The following AGBL1 variants were observed in gnomAD, a reference collection of about 807,000 sequenced individuals.
AGBL1 encodes the protein cytosolic carboxypeptidase 4.
AGBL1 carries 130 observed loss-of-function variants against 118.9 expected under a neutral mutation model. The ratio of observed to expected loss-of-function variants is 1.09; its 90% CI spans 0.95 to 1.26. The LOEUF (loss-of-function observed/expected upper bound fraction) is 1.26. AGBL1 is among the 50% of genes most tolerant of loss of function. The pLI is 0.00. For missense variants in AGBL1, 1,584 were observed against 1,298.1 expected (o/e 1.22, Z -3.38); for synonymous variants, 555 against 478.9 (o/e 1.16, Z -2.08).
intron 17 of AGBL1, 28 bp downstream of exon 17, chr15:86,295,436 A>C (rs375852292): frequency 7.2e-5 from 111 of 1,531,514 alleles, no homozygotes; most frequent in Non-Finnish European, 8.9e-5. Context: ...CTCTTCGTAG[A>C]AGATTTGACT....
intron 19 of AGBL1, among the ~76,000 whole-genome samples, chr15:86,542,153 G>C (rs1419036484): frequency 6.6e-6 from 1 of 152,154 alleles, no homozygotes; most frequent in Non-Finnish European, 1.5e-5. Flanking sequence ...CAAGATTCCA[G>C]AGCTTTGCTG....
chr15:86,295,204 T>C (rs928141035), intron 16 of AGBL1, 51 bp from the exon 17 acceptor site: 1 of 1,583,834 alleles, frequency 6.3e-7, no homozygotes, highest in Admixed American at 1.8e-5. Flanking sequence ...TCTATTATTG[T>C]TGTTATAAAA....
intron 5 of AGBL1, among the ~76,000 whole-genome samples, chr15:86,194,974 A>G (rs1462236390): frequency 6.6e-6 from 1 of 152,202 alleles, no homozygotes; most frequent in Non-Finnish European, 1.5e-5. Flanking sequence ...CTATTTTATG[A>G]TGGGTATAAA....
At chr15:86,328,024 C>T (rs1379006573) in intron 17 of AGBL1, among the ~76,000 whole-genome samples, 2 of 152,154 alleles carry the variant, frequency 1.3e-5, no homozygotes, top group South Asian at 2.1e-4. Context: ...CTGTTTTCCT[C>T]TTTCTTAAAA....
intron 22 of AGBL1, among the ~76,000 whole-genome samples, chr15:86,792,961 G>A (rs1229257034): frequency 6.6e-6 from 1 of 151,864 alleles, no homozygotes; most frequent in Non-Finnish European, 1.5e-5. Context: ...AACTACACAG[G>A]TATTTGCACT....
At chr15:86,320,680 G>T (rs1353577) in intron 17 of AGBL1, among the ~76,000 whole-genome samples, 1 of 151,690 alleles carries the variant, frequency 6.6e-6, no homozygotes, top group Non-Finnish European at 1.5e-5. Context: ...TGCTCTTAAC[G>T]TCTTACTATT....
At chr15:86,091,405 G>C (rs1448438134) in intron 1 of AGBL1, among the ~76,000 whole-genome samples, 1 of 152,120 alleles carries the variant, frequency 6.6e-6, no homozygotes, top group Admixed American at 6.5e-5. Flanking sequence ...ACCAACTGAG[G>C]ACACACTAGC....
chr15:86,501,497 A>C (rs1033465449), intron 18 of AGBL1, among the ~76,000 whole-genome samples: 2 of 151,234 alleles, frequency 1.3e-5, no homozygotes, highest in African/African-American at 4.8e-5. Flanking sequence ...TTTGCTTTTG[A>C]TGTTATATCT....
At chr15:86,143,453 A>G (rs548745641) in intron 2 of AGBL1, among the ~76,000 whole-genome samples, 9 of 152,332 alleles carry the variant, frequency 5.9e-5, no homozygotes, top group African/African-American at 1.9e-4. Flanking sequence ...GATAAGCTCT[A>G]TTTATTACAG....
intron 16 of AGBL1, among the ~76,000 whole-genome samples, chr15:86,294,333 A>C (rs2079596926): frequency 7.7e-6 from 1 of 130,016 alleles, no homozygotes; most frequent in South Asian, 2.6e-4. Flanking sequence ...TGGGAGGTGG[A>C]GGTTGCAATG....
Position 86,914,671 on chromosome 15 carries a change from C to T in AGBL1, c.*7377C>T, listed in dbSNP as rs1044026809. 4 of 152,102 alleles carry T rather than the reference C, an allele frequency of 2.6e-5. No individual in the cohort carries two copies. Among genetic ancestry groups the T allele is most frequent in the African/African-American group, 9.7e-5 (4 of 41,428 alleles). 9.4% of individuals were successfully genotyped at this position (152,102 alleles called of 1,614,324 possible). Reference sequence around the variant, plus strand: ...GTTATGCTCACTTTATAAATGAGGGCATTAAGAATTTAAGGGCTAGCCTAA... The same window carrying T: ...GTTATGCTCACTTTATAAATGAGGGTATTAAGAATTTAAGGGCTAGCCTAA... On this transcript the variant is annotated 3_prime_UTR_variant, in exon 23 of 23. Coordinates refer to ENST00000614907, the MANE Select transcript of AGBL1 (RefSeq NM_001386094.1).
chr15:86,986,017 G>A (rs973888375), intron 23 of AGBL1, among the ~76,000 whole-genome samples: 2 of 151,540 alleles, frequency 1.3e-5, no homozygotes, highest in South Asian at 2.1e-4. Context: ...TCTGTCCCCC[G>A]GTTTCAAGCC....
At chr15:86,829,713 G>C (rs1302767554) in intron 22 of AGBL1, among the ~76,000 whole-genome samples, 1 of 152,162 alleles carries the variant, frequency 6.6e-6, no homozygotes, top group African/African-American at 2.4e-5. Flanking sequence ...CAGCAGATTT[G>C]AGGGAGAGAT....
Position 86,565,144 on chromosome 15 carries a change from C to G in AGBL1, c.2994+10607C>G, listed in dbSNP as rs1432354580. Among the ~76,000 whole-genome samples, 4 of 152,380 alleles carry G rather than the reference C, an allele frequency of 2.6e-5. No individual in the cohort carries two copies. The South Asian group carries it at 8.3e-4, about 32-fold the overall frequency. On this transcript the variant is annotated intron_variant, in intron 21 of 22. Coordinates refer to ENST00000614907, the MANE Select transcript of AGBL1 (RefSeq NM_001386094.1). ...CTTCTCTCAAATCGTCAAAGTCATT[C>G]TCTGTCCAGCTTTGTTCCATTGCTG...
intron 5 of AGBL1, among the ~76,000 whole-genome samples, chr15:86,182,914 C>T (rs1035342988): frequency 6.6e-6 from 1 of 152,168 alleles, no homozygotes; most frequent in Non-Finnish European, 1.5e-5. Context: ...GGTCTATACC[C>T]ATAGCAAGAG....
intron 17 of AGBL1, among the ~76,000 whole-genome samples, chr15:86,377,198 C>A (rs1016092963): frequency 1.3e-5 from 2 of 152,022 alleles, no homozygotes; most frequent in African/African-American, 4.8e-5. Flanking sequence ...TGGACCAATG[C>A]CCCAAGAGAT....
At chr15:86,768,169 C>T (rs866724508) in intron 22 of AGBL1, among the ~76,000 whole-genome samples, 3 of 152,038 alleles carry the variant, frequency 2.0e-5, no homozygotes, top group Non-Finnish European at 4.4e-5. Flanking sequence ...TTAGACCCTG[C>T]TGATTTGCTC....
At chr15:86,193,891 G>A (rs1334206237) in intron 5 of AGBL1, among the ~76,000 whole-genome samples, 2 of 152,190 alleles carry the variant, frequency 1.3e-5, no homozygotes, top group African/African-American at 4.8e-5. Context: ...AAATGACAGA[G>A]CCTCTCTGGC....
intron 22 of AGBL1, among the ~76,000 whole-genome samples, chr15:86,858,728 G>C (rs1310409873): frequency 6.6e-6 from 1 of 152,160 alleles, no homozygotes; most frequent in Non-Finnish European, 1.5e-5. Flanking sequence ...CGGAATGTTG[G>C]AAAGTGCTAA....
Sources: allele counts gnomAD v4.1 joint callset (sites outside exome capture counted in the v4.1 genomes callset), GRCh38; gene constraint gnomAD v4.1.1; transcripts MANE v1.5; gene names NCBI Gene and HGNC (gene_info 2026-07-23, HGNC 2026-07-21).